CSMD1: variants seen among roughly 807,000 people sequenced by gnomAD.
The protein encoded by CSMD1 is CUB and sushi domain-containing protein 1.
A neutral mutation model predicts 417.5 loss-of-function variants in CSMD1; 213 were observed. The observed-to-expected ratio is 0.51, with a 90% CI of 0.46 to 0.57. The LOEUF (loss-of-function observed/expected upper bound fraction) is 0.57. Among genes scored for constraint, CSMD1 ranks in the 20% least tolerant of loss-of-function variants. The pLI, the probability that CSMD1 is intolerant of heterozygous loss-of-function variation, is 0.00. For synonymous variants in CSMD1, 2,862 were observed against 1,736.8 expected, an observed-to-expected ratio of 1.65 and a Z score of -16.11; for missense variants, 6,923 against 4,529.7, an observed-to-expected ratio of 1.53 and a Z score of -15.17.
chr8:4,701,629 A>G (rs1186779251), intron 1 of CSMD1, among the ~76,000 whole-genome samples: 4 of 152,276 alleles, frequency 2.6e-5, no homozygotes, highest in South Asian at 4.1e-4. Flanking sequence ...TGTTGACAGT[A>G]TACAGGAGTT....
chr8:4,693,818 A>T lies in CSMD1; in HGVS notation c.86-56260T>A, dbSNP rs888141881. 4.8e-4 allele frequency among the ~76,000 whole-genome samples: 8 copies of T among 16,760 alleles called. No individual in the cohort carries two copies. The African/African-American group carries it at 6.4e-3, about 13-fold the overall frequency. The allele number at this position is 16,760 out of a possible 152,430, so 11.0% of individuals were successfully genotyped here. The stretch of plus-strand genomic sequence containing the variant: ...CAGCCTCCTGAGTAGCTGGGACCAC[A>T]GGTGTGCACCTCCATGCCTGGCCAG... On this transcript the variant is annotated intron_variant, in intron 1 of 69. Coordinates refer to ENST00000635120, the MANE Select transcript of CSMD1 (RefSeq NM_033225.6).
intron 3 of CSMD1, among the ~76,000 whole-genome samples, chr8:4,164,603 T>A (rs1413958580): frequency 6.6e-6 from 1 of 152,214 alleles, no homozygotes; most frequent in Non-Finnish European, 1.5e-5. Context: ...AGTAATTTAT[T>A]TAGGTACCTT....
At chr8:4,251,203 A>G (rs540072211) in intron 3 of CSMD1, among the ~76,000 whole-genome samples, 61 of 152,334 alleles carry the variant, frequency 4.0e-4, no homozygotes, top group African/African-American at 1.4e-3. Flanking sequence ...CAAGTTTACA[A>G]TAAATAAAAC....
intron 1 of CSMD1, among the ~76,000 whole-genome samples, chr8:4,985,209 A>G (rs1233911708): frequency 6.6e-6 from 1 of 152,076 alleles, no homozygotes; most frequent in African/African-American, 2.4e-5. Context: ...GGGGCCTGTC[A>G]GAGGGTGGTG....
chr8:4,830,014 G>A (rs902373967), intron 1 of CSMD1, among the ~76,000 whole-genome samples: 1 of 152,144 alleles, frequency 6.6e-6, no homozygotes. Context: ...GTGATGAACT[G>A]CCTGTCCTTC....
intron 37 of CSMD1, among the ~76,000 whole-genome samples, chr8:3,177,306 C>T (rs934021410): frequency 1.3e-5 from 2 of 152,118 alleles, no homozygotes; most frequent in Admixed American, 6.5e-5. Context: ...AGCCTAGGGG[C>T]ACAGCTGGAG....
intron 2 of CSMD1, among the ~76,000 whole-genome samples, chr8:4,476,998 T>C (rs1176828639): frequency 6.6e-6 from 1 of 152,188 alleles, no homozygotes; most frequent in Admixed American, 6.5e-5. Context: ...CTGCCTAGGA[T>C]GGACAGGTGG....
At chr8:4,002,547 G>A (rs915966992) in intron 4 of CSMD1, among the ~76,000 whole-genome samples, 1 of 152,138 alleles carries the variant, frequency 6.6e-6, no homozygotes, top group Admixed American at 6.6e-5. Context: ...TTTCGACTGA[G>A]AAAAATTAAT....
At chr8:3,965,555 G>C (rs1426226543) in intron 5 of CSMD1, among the ~76,000 whole-genome samples, 1 of 152,098 alleles carries the variant, frequency 6.6e-6, no homozygotes, top group Non-Finnish European at 1.5e-5. Flanking sequence ...TCAGGAAAGA[G>C]AGGTCTTTCA....
chr8:3,575,809 A>G (rs766384912), intron 9 of CSMD1, among the ~76,000 whole-genome samples: 1 of 151,272 alleles, frequency 6.6e-6, no homozygotes, highest in African/African-American at 2.4e-5. Context: ...CTGGAATACA[A>G]AAATAATTTA....
chr8:4,470,508 G>C (rs777046963), intron 2 of CSMD1, among the ~76,000 whole-genome samples: 5 of 152,188 alleles, frequency 3.3e-5, no homozygotes, highest in African/African-American at 7.2e-5. Context: ...ATCAAACACG[G>C]AATTCCTTAC....
chr8:4,287,000 G>A (rs1585161762), intron 3 of CSMD1, among the ~76,000 whole-genome samples: 1 of 152,118 alleles, frequency 6.6e-6, no homozygotes, highest in South Asian at 2.1e-4. Flanking sequence ...AAAGAAAAAG[G>A]GCTAAGTTTC....
At chr8:4,660,201 T>A (rs1804504112) in intron 1 of CSMD1, among the ~76,000 whole-genome samples, 1 of 151,830 alleles carries the variant, frequency 6.6e-6, no homozygotes, top group African/African-American at 2.4e-5. Flanking sequence ...TGACATAATG[T>A]TCTTTGTAGA....
At chr8:3,226,922 G>A (rs1343409292) in intron 27 of CSMD1, among the ~76,000 whole-genome samples, 1 of 151,092 alleles carries the variant, frequency 6.6e-6, no homozygotes, top group Non-Finnish European at 1.5e-5. Flanking sequence ...AATTCAAACA[G>A]CCAATAAGCA....
chr8:4,992,231 G>A (rs961983539), intron 1 of CSMD1, among the ~76,000 whole-genome samples: 1 of 150,850 alleles, frequency 6.6e-6, no homozygotes, highest in Non-Finnish European at 1.5e-5. Flanking sequence ...CCTCCCTCCC[G>A]CCTCCGCCTC....
chr8:3,719,253 G>A (rs1399972386), intron 6 of CSMD1, among the ~76,000 whole-genome samples: 1 of 151,896 alleles, frequency 6.6e-6, no homozygotes, highest in Non-Finnish European at 1.5e-5. Flanking sequence ...GGTGAACAAC[G>A]TTTTTACAAA....
intron 5 of CSMD1, among the ~76,000 whole-genome samples, chr8:3,889,221 A>T (rs1052354132): frequency 6.6e-6 from 1 of 151,808 alleles, no homozygotes; most frequent in African/African-American, 2.4e-5. Context: ...AATAATAATT[A>T]ATCAAATTTA....
intron 3 of CSMD1, among the ~76,000 whole-genome samples, chr8:4,353,374 C>T (rs1801210890): frequency 6.6e-6 from 1 of 152,120 alleles, no homozygotes; most frequent in African/African-American, 2.4e-5. Context: ...ATTGTGAGGC[C>T]TCCCCAGCCG....
At chr8:3,358,209 T>G (rs1256921295) in intron 21 of CSMD1, among the ~76,000 whole-genome samples, 1 of 152,204 alleles carries the variant, frequency 6.6e-6, no homozygotes, top group South Asian at 2.1e-4. Context: ...ATTAGTGTGG[T>G]TCGTATTCTG....
Sources: allele counts gnomAD v4.1 joint callset (sites outside exome capture counted in the v4.1 genomes callset), GRCh38; gene constraint gnomAD v4.1.1; transcripts MANE v1.5; gene names NCBI Gene and HGNC (gene_info 2026-07-23, HGNC 2026-07-21).